Variants in EIF4G3 observed in about 807,000 individuals in gnomAD.
EIF4G3 encodes the protein eukaryotic translation initiation factor 4 gamma 3.
In EIF4G3, 34 loss-of-function variants were observed where a neutral mutation model predicts 186.4. That is an observed-to-expected ratio of 0.18 (90% CI 0.14 to 0.24). EIF4G3 has a LOEUF of 0.24. Ranked by LOEUF, EIF4G3 falls within the 10% of genes least tolerant of loss-of-function variation. The pLI is 1.00. For missense variants in EIF4G3, 1,536 were observed against 1,948.5 expected, an observed-to-expected ratio of 0.79 and a Z score of 3.99; for synonymous variants, 673 against 679.5, an observed-to-expected ratio of 0.99 and a Z score of 0.15.
At chr1:21,143,533 C>A (rs1253222892) in intron 2 of EIF4G3, among the ~76,000 whole-genome samples, 1 of 152,154 alleles carries the variant, frequency 6.6e-6, no homozygotes, top group Non-Finnish European at 1.5e-5. Flanking sequence ...TGTGCAACTA[C>A]AGGGAATTCC....
At chr1:20,985,051 T>C (rs2079147400) in intron 7 of EIF4G3, among the ~76,000 whole-genome samples, 1 of 152,194 alleles carries the variant, frequency 6.6e-6, no homozygotes, top group East Asian at 1.9e-4. Context: ...GCATGTACTT[T>C]TAACTGTTAC....
chr1:20,966,519 G>C (rs1036573025), intron 12 of EIF4G3, among the ~76,000 whole-genome samples: 1 of 151,374 alleles, frequency 6.6e-6, no homozygotes, highest in Non-Finnish European at 1.5e-5. Context: ...TGTTGCCCAG[G>C]CTGGAATGCA....
At chr1:20,894,823 G>A (rs1196949290) in intron 17 of EIF4G3, among the ~76,000 whole-genome samples, 1 of 152,074 alleles carries the variant, frequency 6.6e-6, no homozygotes, top group African/African-American at 2.4e-5. Context: ...CTAATTTGCT[G>A]TGTGCACCAT....
intron 20 of EIF4G3, among the ~76,000 whole-genome samples, chr1:20,873,716 T>C (rs1246124220): frequency 2.5e-5 from 3 of 119,740 alleles, no homozygotes; most frequent in African/African-American, 9.2e-5. Context: ...GTCTTTTTTT[T>C]TTCCTTAAAA....
chr1:21,114,795 G>A (rs2096788785), intron 2 of EIF4G3, among the ~76,000 whole-genome samples: 1 of 152,170 alleles, frequency 6.6e-6, no homozygotes, highest in East Asian at 1.9e-4. Flanking sequence ...CAATGTGCAT[G>A]TTGGGGAAAA....
At chr1:21,074,039 C>A (rs1049981080) in intron 3 of EIF4G3, among the ~76,000 whole-genome samples, 1 of 151,900 alleles carries the variant, frequency 6.6e-6, no homozygotes, top group African/African-American at 2.4e-5. Context: ...TAGTAGAGTA[C>A]CATAGATGGT....
chr1:20,880,451 T>G (rs974259619), intron 19 of EIF4G3, among the ~76,000 whole-genome samples: 5 of 152,172 alleles, frequency 3.3e-5, no homozygotes, highest in African/African-American at 1.2e-4. Flanking sequence ...TACAAAATAT[T>G]TAGCCAAAAA....
intron 4 of EIF4G3, among the ~76,000 whole-genome samples, chr1:21,017,424 C>T (rs964509871): frequency 6.6e-6 from 1 of 151,998 alleles, no homozygotes; most frequent in East Asian, 1.9e-4. Flanking sequence ...GTCAAGAGAT[C>T]GAGACCATCC....
intron 7 of EIF4G3, among the ~76,000 whole-genome samples, chr1:20,989,076 G>A (rs142041043): frequency 3.0e-4 from 12 of 39,514 alleles, no homozygotes; most frequent in Non-Finnish European, 4.4e-4. Flanking sequence ...GGGAGGGGAG[G>A]GGAGGGGAGA....
chr1:20,920,635 A>C (rs2094415025), intron 14 of EIF4G3, among the ~76,000 whole-genome samples: 1 of 152,166 alleles, frequency 6.6e-6, no homozygotes, highest in Non-Finnish European at 1.5e-5. Context: ...GAGGCTTAAA[A>C]ATTCCAGTAA....
intron 2 of EIF4G3, among the ~76,000 whole-genome samples, chr1:21,151,747 G>A (rs1262777369): frequency 6.6e-6 from 1 of 151,588 alleles, no homozygotes; most frequent in African/African-American, 2.4e-5. Context: ...CTAATTTCAA[G>A]GTATTCCTTG....
chr1:21,021,721 A>C (rs1331650176), intron 4 of EIF4G3, among the ~76,000 whole-genome samples: 2 of 151,958 alleles, frequency 1.3e-5, no homozygotes, highest in African/African-American at 4.8e-5. Context: ...ATGCCTGGCT[A>C]ATTTTTGTAT....
intron 2 of EIF4G3, among the ~76,000 whole-genome samples, chr1:21,096,226 G>T (rs2096366807): frequency 6.6e-6 from 1 of 152,126 alleles, no homozygotes; most frequent in South Asian, 2.1e-4. Flanking sequence ...AAAAAATGAG[G>T]TCATTCTTTT....
At chr1:21,023,394 GAGTGCCTGCGATTGC>G (rs1276981145) in intron 4 of EIF4G3, among the ~76,000 whole-genome samples, 1 of 149,492 alleles carries the variant, frequency 6.7e-6, no homozygotes, top group Non-Finnish European at 1.5e-5. Context: ...TCAGCCTGCC[GAGTGCCTGCGATTGC>G]AGGCACGCGC....
intron 24 of EIF4G3, among the ~76,000 whole-genome samples, chr1:20,859,295 AGTT>A (rs1347871021): frequency 2.6e-5 from 4 of 152,174 alleles, no homozygotes; most frequent in African/African-American, 7.2e-5. Flanking sequence ...AATAAATAAA[AGTT>A]ATTACCCAAA....
Position 20,861,922 on chromosome 1 carries a change from C to T in EIF4G3, c.3111+306G>A, listed in dbSNP as rs928747449. Among the ~76,000 whole-genome samples the T allele has an allele frequency of 2.0e-5, 3 of 151,616 alleles. No homozygotes were observed. In the South Asian group the frequency reaches 6.2e-4, roughly 31 times the overall value. On this transcript the variant is annotated intron_variant, in intron 23 of 36. Coordinates refer to ENST00000602326, the MANE Select transcript of EIF4G3 (RefSeq NM_001391906.1). ...CTGGGAGGCGGAGGCTGCAGTGAGCCGAGATTGAGCCACTGCACTCCAGCC... is the reference window on the plus strand; with the variant it reads ...CTGGGAGGCGGAGGCTGCAGTGAGCTGAGATTGAGCCACTGCACTCCAGCC...
intron 31 of EIF4G3, 150 bp downstream of exon 31, chr1:20,828,997 T>C: frequency 1.2e-6 from 1 of 820,726 alleles, no homozygotes; most frequent in Non-Finnish European, 1.9e-6. Flanking sequence ...GGTAACATTT[T>C]TACACTGAAA....
intron 29 of EIF4G3, among the ~76,000 whole-genome samples, chr1:20,848,456 A>G (rs887115007): frequency 6.6e-6 from 1 of 152,212 alleles, no homozygotes; most frequent in Non-Finnish European, 1.5e-5. Context: ...AGCATTTATC[A>G]TAACTACAGT....
At chr1:20,960,078 G>C (rs893295521) in intron 12 of EIF4G3, among the ~76,000 whole-genome samples, 16 of 152,324 alleles carry the variant, frequency 1.1e-4, no homozygotes, top group Admixed American at 1.0e-3. Flanking sequence ...ATATGAAAAA[G>C]AGATTTGAAA....
Sources: gnomAD v4.1 joint callset for allele counts (sites outside exome capture counted in the v4.1 genomes callset) on GRCh38, gnomAD v4.1.1 for gene constraint, MANE v1.5 for transcripts, NCBI Gene and HGNC (gene_info 2026-07-23, HGNC 2026-07-21) for gene names.